Variants in EVI5 observed in about 807,000 individuals in gnomAD.
EVI5 encodes ecotropic viral integration site 5 protein homolog.
In EVI5, 73 loss-of-function variants were observed where a neutral mutation model predicts 112.0. That is an observed-to-expected ratio of 0.65 (90% CI 0.54 to 0.79). The LOEUF is 0.79. Ranked by LOEUF, EVI5 falls within the 30% of genes least tolerant of loss-of-function variation. The pLI is 0.00. For missense variants in EVI5, 900 were observed against 968.8 expected, an observed-to-expected ratio of 0.93 and a Z score of 0.94; for synonymous variants, 305 against 319.9, an observed-to-expected ratio of 0.95 and a Z score of 0.50.
intron 19 of EVI5, among the ~76,000 whole-genome samples, chr1:92,541,004 G>A (rs1484590256): frequency 6.6e-6 from 1 of 152,160 alleles, no homozygotes; most frequent in Non-Finnish European, 1.5e-5. Flanking sequence ...GCCCCGGGAG[G>A]CGGAGGTTGC....
At chr1:92,781,686 T>C (rs1184819770) in intron 1 of EVI5, among the ~76,000 whole-genome samples, 2 of 151,896 alleles carry the variant, frequency 1.3e-5, no homozygotes, top group South Asian at 2.1e-4. Flanking sequence ...CAGTGGTTCA[T>C]GCCTGTAATC....
intron 19 of EVI5, among the ~76,000 whole-genome samples, chr1:92,547,134 T>A (rs1163193666): frequency 6.6e-6 from 1 of 152,146 alleles, no homozygotes; most frequent in African/African-American, 2.4e-5. Flanking sequence ...AGAATAGAAA[T>A]TATAACAAAC....
At chr1:92,520,705 G>C (rs942717655) in intron 19 of EVI5, among the ~76,000 whole-genome samples, 1 of 151,812 alleles carries the variant, frequency 6.6e-6, no homozygotes, top group Non-Finnish European at 1.5e-5. Flanking sequence ...ACAAAAATTA[G>C]CTGGGCGTGG....
At chr1:92,654,091 C>T (rs1662615148) in intron 13 of EVI5, among the ~76,000 whole-genome samples, 1 of 152,002 alleles carries the variant, frequency 6.6e-6, no homozygotes, top group Admixed American at 6.5e-5. Flanking sequence ...CCATCTCTGC[C>T]CTGACTTGTC....
At chr1:92,738,264 A>G (rs566032556) in intron 1 of EVI5, among the ~76,000 whole-genome samples, 3 of 152,332 alleles carry the variant, frequency 2.0e-5, no homozygotes, top group Admixed American at 2.0e-4. Context: ...TTAGGATAAC[A>G]ACTATAAACT....
intron 18 of EVI5, among the ~76,000 whole-genome samples, chr1:92,570,705 T>C (rs1251669229): frequency 1.3e-5 from 2 of 152,078 alleles, no homozygotes; most frequent in African/African-American, 2.4e-5. Flanking sequence ...CAGAGAAACT[T>C]GCAATGAAAA....
In EVI5 at chr1:92,513,821, A is replaced by G. The variant is rs202224223; in HGVS notation, c.2316T>C (p.Gly772=). 43 of 1,613,640 alleles carry G rather than the reference A, an allele frequency of 2.7e-5. No individual in the cohort carries two copies. The highest frequency in any genetic ancestry group is 3.6e-5 in the Non-Finnish European group (42 of 1,179,924). The change falls in exon 20 of 20, where the codon GGT becomes GGC. Residue 772 remains glycine (G), a synonymous_variant. Transcript: ENST00000684568. Reference sequence around the variant, plus strand: ...AACCAGATTTTCCGTGCAAAGGAAAACCAACACCAGTTTCCTGTAAGGAAT... The same window carrying G: ...AACCAGATTTTCCGTGCAAAGGAAAGCCAACACCAGTTTCCTGTAAGGAAT... The part of the protein sequence containing the change: ...IDNSLQETGV[G]FPLHGKSGSM...
At chr1:92,676,575 C>T (rs1415295) in intron 10 of EVI5, among the ~76,000 whole-genome samples, 1 of 152,124 alleles carries the variant, frequency 6.6e-6, no homozygotes, top group Non-Finnish European at 1.5e-5. Flanking sequence ...CAGACCCTCA[C>T]CTCAAGAATT....
intron 9 of EVI5, among the ~76,000 whole-genome samples, chr1:92,679,763 T>C (rs529829019): frequency 6.6e-6 from 1 of 152,212 alleles, no homozygotes; most frequent in African/African-American, 2.4e-5. Flanking sequence ...TATCATTATG[T>C]GATCTTCAAA....
intron 10 of EVI5, among the ~76,000 whole-genome samples, chr1:92,674,533 T>C (rs893342129): frequency 1.3e-5 from 2 of 151,966 alleles, no homozygotes; most frequent in African/African-American, 4.8e-5. Flanking sequence ...CTGGGGCCTG[T>C]CAGGGGGTGG....
intron 13 of EVI5, among the ~76,000 whole-genome samples, chr1:92,661,904 C>T (rs181131380): frequency 1.3e-5 from 2 of 152,246 alleles, no homozygotes; most frequent in Non-Finnish European, 2.9e-5. Flanking sequence ...TACAATCTAG[C>T]GCCTACTTGA....
At chr1:92,767,835 C>G (rs922336809) in intron 1 of EVI5, among the ~76,000 whole-genome samples, 1 of 152,110 alleles carries the variant, frequency 6.6e-6, no homozygotes, top group Non-Finnish European at 1.5e-5. Flanking sequence ...ATCCCAGCAC[C>G]TTGGGAGGCC....
At chr1:92,675,163 T>C (rs1666512862) in intron 10 of EVI5, among the ~76,000 whole-genome samples, 1 of 152,114 alleles carries the variant, frequency 6.6e-6, no homozygotes. Context: ...GGCAACATGG[T>C]GAAACCCTGT....
In EVI5 at chr1:92,607,608, C is replaced by T. The variant is rs1305200977; in HGVS notation, c.1947G>A (p.Lys649=). 1.3e-6 allele frequency: 2 copies of T among 1,594,074 alleles called. No homozygotes were observed. The highest frequency in any genetic ancestry group is 1.7e-6 in the Non-Finnish European group (2 of 1,173,846). ...TGCATTCAATCTCTGCTTGTTTACG[C>T]TTTGCTTCACTTAATTGAGTAAGGA... ...KGLLTQLSEA[K]RKQAEIECKN... Residue 649 remains lysine (K), a synonymous_variant, in exon 17 of 20, where the codon AAG becomes AAA. Coordinates refer to ENST00000684568, the MANE Select transcript of EVI5 (RefSeq NM_001350197.2).
rs1409754941 is a variant in EVI5, at chr1:92,783,441, G to A, written c.-82+1395C>T. ...CCCAGCTACTCGGGAGGCTGAGGCAGGAGAATATATCCAGCCTAGGCAACA... is the reference window on the plus strand; with the variant it reads ...CCCAGCTACTCGGGAGGCTGAGGCAAGAGAATATATCCAGCCTAGGCAACA... On this transcript the variant is annotated intron_variant, in intron 1 of 19. Transcript: ENST00000684568. Among the ~76,000 whole-genome samples the A allele has an allele frequency of 6.5e-5, 9 of 137,508 alleles. No homozygotes were observed. In the Admixed American group the frequency reaches 7.3e-4, roughly 11 times the overall value. 90.2% of individuals were successfully genotyped at this position (137,508 alleles called of 152,430 possible).
chr1:92,697,728 A>C (rs1412479686), intron 6 of EVI5, 132 bp downstream of exon 6: 4 of 731,042 alleles, frequency 5.5e-6, no homozygotes, highest in Non-Finnish European at 4.4e-6. Flanking sequence ...CCAAAAAACA[A>C]TCATGTAATT....
At chr1:92,770,412 C>T (rs988622617) in intron 1 of EVI5, among the ~76,000 whole-genome samples, 1 of 152,188 alleles carries the variant, frequency 6.6e-6, no homozygotes, top group Non-Finnish European at 1.5e-5. Context: ...AGACATTTCT[C>T]CACATGTGTA....
intron 18 of EVI5, among the ~76,000 whole-genome samples, chr1:92,564,746 T>C (rs1170814254): frequency 1.3e-5 from 2 of 151,744 alleles, no homozygotes; most frequent in Non-Finnish European, 2.9e-5. Context: ...ATGGCGCGAT[T>C]TCGGCTCATT....
At chr1:92,738,100 C>G (rs369846407) in intron 1 of EVI5, among the ~76,000 whole-genome samples, 36 of 152,272 alleles carry the variant, frequency 2.4e-4, no homozygotes, top group African/African-American at 8.2e-4. Context: ...AGAAGTCCTT[C>G]CTGTCAACTC....
Sources: gnomAD v4.1 joint callset for allele counts (sites outside exome capture counted in the v4.1 genomes callset) on GRCh38, gnomAD v4.1.1 for gene constraint, MANE v1.5 for transcripts, NCBI Gene and HGNC (gene_info 2026-07-23, HGNC 2026-07-21) for gene names.